Variants in STARD13 observed in about 807,000 individuals in gnomAD.
STARD13 encodes the protein stAR-related lipid transfer protein 13.
In STARD13, 62 loss-of-function variants were observed where a neutral mutation model predicts 106.4. The observed-to-expected ratio is 0.58, with a 90% CI of 0.48 to 0.72. The LOEUF (loss-of-function observed/expected upper bound fraction) is 0.72. Ranked by LOEUF, STARD13 falls within the 30% of genes least tolerant of loss-of-function variation. The probability of loss-of-function intolerance (pLI) is 0.00; values close to 1 mark genes in which losing one functional copy is unlikely to be tolerated. For synonymous variants in STARD13, 565 were observed against 553.0 expected, an observed-to-expected ratio of 1.02 and a Z score of -0.31; for missense variants, 1,387 against 1,424.0, an observed-to-expected ratio of 0.97 and a Z score of 0.42.
chr13:33,124,463 C>T (rs1337548900), intron 7 of STARD13, among the ~76,000 whole-genome samples: 7 of 152,196 alleles, frequency 4.6e-5, no homozygotes, highest in African/African-American at 1.4e-4. Context: ...CCTTTGCCGG[C>T]ACACTGTTTT....
chr13:33,535,600 T>A, the STARD13 span, among the ~76,000 whole-genome samples: 2 of 152,190 alleles, frequency 1.3e-5, 1 homozygote, highest in South Asian at 4.1e-4. Flanking sequence ...ATTAGAGATA[T>A]AACAAAGGCC....
the STARD13 span, among the ~76,000 whole-genome samples, chr13:33,397,230 A>T: frequency 3.3e-5 from 5 of 152,158 alleles, no homozygotes; most frequent in African/African-American, 7.2e-5. Context: ...ATTTTGGACA[A>T]TCTTTTTTTT....
At position 33,103,841 on chromosome 13, in the gene STARD13, G is replaced by T. The variant is rs1196471998; in HGVS notation, c.*1752C>A. 2 of 152,218 alleles carry T rather than the reference G, an allele frequency of 1.3e-5. No homozygotes were observed. Among genetic ancestry groups the T allele is most frequent in the Non-Finnish European group, 2.9e-5 (2 of 68,034 alleles). 9.4% of individuals were successfully genotyped at this position (152,218 alleles called of 1,614,324 possible). A position where few individuals can be genotyped will look rare whatever the true frequency, so the allele number is the denominator to read the frequency against. The stretch of plus-strand genomic sequence containing the variant: ...ATCTGGCATATATGGTTAAATTCAA[G>T]ATGTTATGGCAGAAGTGACTTTGTT... On this transcript the variant is annotated 3_prime_UTR_variant, in exon 14 of 14. Coordinates refer to ENST00000336934, the MANE Select transcript of STARD13 (RefSeq NM_178006.4).
intron 1 of STARD13, among the ~76,000 whole-genome samples, chr13:33,208,842 A>G (rs1887559403): frequency 6.6e-6 from 1 of 152,202 alleles, no homozygotes; most frequent in Non-Finnish European, 1.5e-5. Flanking sequence ...AGACAGGTGT[A>G]CACACATATT....
At chr13:33,140,814 A>C (rs1211741561) in intron 4 of STARD13, among the ~76,000 whole-genome samples, 1 of 146,790 alleles carries the variant, frequency 6.8e-6, no homozygotes, top group African/African-American at 2.5e-5. Context: ...GCTGGAGTGC[A>C]GTGGCACAAT....
At chr13:33,494,172 C>T in the STARD13 span, among the ~76,000 whole-genome samples, 23 of 152,164 alleles carry the variant, frequency 1.5e-4, no homozygotes, top group Non-Finnish European at 2.6e-4. Flanking sequence ...TTGAATGCCA[C>T]CTTCTCAGTG....
At chr13:33,308,520 C>CTT (rs552526416) in intron 1 of STARD13, among the ~76,000 whole-genome samples, 11,373 of 88,420 alleles carry the variant, frequency 0.13, 1,027 homozygotes, top group Non-Finnish European at 0.18. Flanking sequence ...CTTTTTCTTT[C>CTT]TTTTTTTTTT....
At chr13:33,474,588 T>A in the STARD13 span, among the ~76,000 whole-genome samples, 2 of 152,202 alleles carry the variant, frequency 1.3e-5, no homozygotes, top group Non-Finnish European at 2.9e-5. Context: ...CTTGAGTAGA[T>A]CTCTAATATA....
At chr13:33,655,185 T>C in the STARD13 span, among the ~76,000 whole-genome samples, 1 of 152,264 alleles carries the variant, frequency 6.6e-6, no homozygotes, top group Non-Finnish European at 1.5e-5. Context: ...AGGTTAACTC[T>C]AATGTAGATG....
chr13:33,616,958 G>A, the STARD13 span, among the ~76,000 whole-genome samples: 3 of 152,158 alleles, frequency 2.0e-5, no homozygotes, highest in Admixed American at 1.3e-4. Context: ...CTTGGGTAGG[G>A]AGCGTCCCTA....
chr13:33,154,496 C>T (rs1881711182), intron 3 of STARD13, among the ~76,000 whole-genome samples: 1 of 152,180 alleles, frequency 6.6e-6, no homozygotes, highest in Non-Finnish European at 1.5e-5. Flanking sequence ...TTTCATTTAG[C>T]TTGTGCAAGA....
Position 33,318,768 on chromosome 13 carries a change from T to C in STARD13, c.124+31522A>G, listed in dbSNP as rs182191790. Among the ~76,000 whole-genome samples, 224 of 152,180 alleles carry C rather than the reference T, an allele frequency of 1.5e-3. 1 individual carries two copies. Among genetic ancestry groups the C allele is most frequent in the Middle Eastern group, 6.8e-3 (2 of 294 alleles). On this transcript the variant is annotated intron_variant, in intron 1 of 5. Transcript: ENST00000567873. ...GAATGGTCAGAGATTTGAATATACA[T>C]CTTCCCAAAGAAGATATACAAATGC...
chr13:33,563,470 A>G, the STARD13 span, among the ~76,000 whole-genome samples: 3 of 147,582 alleles, frequency 2.0e-5, 1 homozygote, highest in East Asian at 6.0e-4. Context: ...CAAAATATGC[A>G]ATGGGGAAAG....
rs1180015841 is a variant in STARD13, at chr13:33,231,270, G to A, written c.169+54200C>T. On this transcript the variant is annotated intron_variant, in intron 1 of 13. Transcript: ENST00000336934. ...GCAGCCATCGGTGCATAAGGCCCTG[G>A]ACAGGGTGAAGATTTTCAGGACAGC... Among the ~76,000 whole-genome samples, 3 of 152,188 alleles carry A rather than the reference G, an allele frequency of 2.0e-5. No individual in the cohort carries two copies. The East Asian group carries it at 5.8e-4, about 29-fold the overall frequency.
the STARD13 span, among the ~76,000 whole-genome samples, chr13:33,506,687 A>G: frequency 1.6e-3 from 245 of 152,336 alleles, 1 homozygote; most frequent in African/African-American, 5.6e-3. Flanking sequence ...AATTTGACCA[A>G]TGGATTTTAA....
At chr13:33,176,760 T>C (rs1313623811) in intron 1 of STARD13, among the ~76,000 whole-genome samples, 1 of 152,204 alleles carries the variant, frequency 6.6e-6, no homozygotes, top group Non-Finnish European at 1.5e-5. Flanking sequence ...ACTTGTATCA[T>C]GCTACAATCT....
At chr13:33,211,582 A>G (rs1486523420) in intron 1 of STARD13, among the ~76,000 whole-genome samples, 1 of 152,182 alleles carries the variant, frequency 6.6e-6, no homozygotes, top group African/African-American at 2.4e-5. Context: ...TTTAACCTAC[A>G]TACATCCTCC....
At position 33,111,958 on chromosome 13, in the gene STARD13, A is replaced by T. The variant is rs957611501; in HGVS notation, c.2493-66T>A. ...ACGAGCTTGTCACAATACCAAACTC[A>T]TCCCTTTTGTTTTCTGTTTATACCC... is the stretch of plus-strand genomic sequence containing the variant. On this transcript the variant is annotated intron_variant, in intron 9 of 13. Coordinates refer to ENST00000336934, the MANE Select transcript of STARD13 (RefSeq NM_178006.4). 22 of 1,010,652 alleles carry T rather than the reference A, an allele frequency of 2.2e-5. No individual in the cohort carries two copies. In the African/African-American group the frequency reaches 3.3e-4, roughly 15 times the overall value. 62.6% of individuals were successfully genotyped at this position (1,010,652 alleles called of 1,614,324 possible). A position where few individuals can be genotyped will look rare whatever the true frequency, so the allele number is the denominator to read the frequency against.
intron 7 of STARD13, among the ~76,000 whole-genome samples, chr13:33,120,171 C>T (rs1593879798): frequency 6.6e-6 from 1 of 152,108 alleles, no homozygotes. Context: ...AGAAGAATTC[C>T]TACTTTTTTA....
Sources: gnomAD v4.1 joint callset for allele counts (sites outside exome capture counted in the v4.1 genomes callset) on GRCh38, gnomAD v4.1.1 for gene constraint, MANE v1.5 for transcripts, NCBI Gene and HGNC (gene_info 2026-07-23, HGNC 2026-07-21) for gene names.